EIF4G3: variants seen among roughly 807,000 people sequenced by gnomAD.
The protein encoded by EIF4G3 is eukaryotic translation initiation factor 4 gamma 3, also known as eIF-4-gamma 3.
EIF4G3 carries 34 observed loss-of-function variants against 186.4 expected under a neutral mutation model. That is an observed-to-expected ratio of 0.18 (90% confidence interval 0.14 to 0.24). The LOEUF is 0.24. Among genes scored for constraint, EIF4G3 ranks in the 10% least tolerant of loss-of-function variants. EIF4G3 has a pLI of 1.00. For missense variants in EIF4G3, 1,536 were observed against 1,948.5 expected, an observed-to-expected ratio of 0.79 and a Z score of 3.99; for synonymous variants, 673 against 679.5, an observed-to-expected ratio of 0.99 and a Z score of 0.15.
At chr1:21,152,339 C>CAAA (rs34780982) in intron 2 of EIF4G3, among the ~76,000 whole-genome samples, 6 of 103,570 alleles carry the variant, frequency 5.8e-5, no homozygotes, top group African/African-American at 1.5e-4. Flanking sequence ...CCTGTCTCTA[C>CAAA]AAAAAAAAAA....
intron 12 of EIF4G3, among the ~76,000 whole-genome samples, chr1:20,967,238 A>G (rs2074895256): frequency 6.6e-6 from 1 of 152,234 alleles, no homozygotes; most frequent in South Asian, 2.1e-4. Context: ...TACATGTCCA[A>G]ATTGAGAATT....
rs1397104329 is a variant in EIF4G3 at position 20,969,495 on chromosome 1, C to T, written c.693G>A (p.Thr231=). 21 of 1,613,664 alleles carry T rather than the reference C, an allele frequency of 1.3e-5. No individual in the cohort carries two copies. Among genetic ancestry groups the T allele is most frequent in the Non-Finnish European group, 1.7e-5 (20 of 1,179,788 alleles). ...TTACCTGAGGAGGAGTAGGTGTGGA[C>T]GTGGGTCTTCCTATGGGTGGAGTAG... The part of the protein sequence containing the change: ...RNPTPPIGRP[T]STPTPPQQLP... Residue 231 remains threonine, a synonymous_variant, in exon 12 of 37, where the codon ACG becomes ACA. Transcript: ENST00000602326.
At chr1:20,845,263 T>C (rs577062227) in intron 29 of EIF4G3, among the ~76,000 whole-genome samples, 123 of 152,306 alleles carry the variant, frequency 8.1e-4, no homozygotes, top group Non-Finnish European at 1.4e-3. Flanking sequence ...GATAAGATAA[T>C]TGTAGGTGTG....
intron 4 of EIF4G3, among the ~76,000 whole-genome samples, chr1:21,042,597 A>C (rs2154575384): frequency 6.6e-6 from 1 of 152,224 alleles, no homozygotes; most frequent in East Asian, 1.9e-4. Flanking sequence ...TTGTCTTCTC[A>C]TTTCTCTCCC....
intron 2 of EIF4G3, among the ~76,000 whole-genome samples, chr1:21,103,825 C>T (rs1021501035): frequency 5.9e-5 from 9 of 152,108 alleles, no homozygotes; most frequent in African/African-American, 2.2e-4. Flanking sequence ...ACCTGGGCAA[C>T]AGAGCAAGAC....
In EIF4G3 at chr1:20,807,343, T is replaced by G. The variant is rs146669269; in HGVS notation, c.4902A>C (p.Ala1634=). 2 of 1,605,878 alleles carry G rather than the reference T, an allele frequency of 1.2e-6. No individual in the cohort carries two copies. The highest frequency in any genetic ancestry group is 8.5e-7 in the Non-Finnish European group (1 of 1,174,178). The stretch of plus-strand genomic sequence containing the variant: ...TTTAGTTATCCTCAGACTCCTCTTC[T>G]GCTTCCCGCAGCCACGTGAAGAATG... ...VTAFFTWLRE[A]EEESEDN is the part of the protein sequence containing the mutation. Residue 1634 remains alanine, a synonymous_variant, in exon 37 of 37, where the codon GCA becomes GCC. Transcript: ENST00000602326.
intron 14 of EIF4G3, among the ~76,000 whole-genome samples, chr1:20,921,607 C>A (rs1308545397): frequency 6.6e-6 from 1 of 152,190 alleles, no homozygotes; most frequent in Non-Finnish European, 1.5e-5. Flanking sequence ...GCTGGTGATT[C>A]CACAGCCATA....
intron 16 of EIF4G3, among the ~76,000 whole-genome samples, chr1:20,898,783 T>C (rs1237522449): frequency 6.6e-6 from 1 of 152,098 alleles, no homozygotes; most frequent in Non-Finnish European, 1.5e-5. Context: ...CAGGCTGGAG[T>C]GCAATGGTAC....
intron 3 of EIF4G3, among the ~76,000 whole-genome samples, chr1:21,057,550 G>A (rs2094619281): frequency 6.6e-6 from 1 of 152,024 alleles, no homozygotes; most frequent in Non-Finnish European, 1.5e-5. Flanking sequence ...TGGGGAGAGA[G>A]GAAATTATGA....
intron 14 of EIF4G3, among the ~76,000 whole-genome samples, chr1:20,932,129 T>A (rs1477207132): frequency 2.6e-5 from 4 of 152,170 alleles, no homozygotes; most frequent in African/African-American, 7.2e-5. Context: ...CACTTTTACG[T>A]TATGATGACA....
intron 14 of EIF4G3, among the ~76,000 whole-genome samples, chr1:20,933,926 A>G (rs1033517036): frequency 6.6e-6 from 1 of 152,162 alleles, no homozygotes; most frequent in Non-Finnish European, 1.5e-5. Flanking sequence ...GTTGGGACAG[A>G]GATAAAAATT....
At chr1:21,129,012 C>A (rs762866464) in intron 2 of EIF4G3, among the ~76,000 whole-genome samples, 1 of 152,058 alleles carries the variant, frequency 6.6e-6, no homozygotes. Context: ...AAGAGATGGT[C>A]GGTTGTAATA....
chr1:21,002,106 G>C (rs1373786199), intron 5 of EIF4G3, among the ~76,000 whole-genome samples: 1 of 152,206 alleles, frequency 6.6e-6, no homozygotes, highest in Non-Finnish European at 1.5e-5. Flanking sequence ...GATGAACCTT[G>C]TGTAAATTCT....
chr1:20,966,036 C>T (rs1365788828), intron 12 of EIF4G3, among the ~76,000 whole-genome samples: 1 of 152,168 alleles, frequency 6.6e-6, no homozygotes, highest in East Asian at 1.9e-4. Context: ...ATTAATGGGT[C>T]TCTGGTATCT....
chr1:20,913,548 A>AT (rs2093499866), intron 14 of EIF4G3, among the ~76,000 whole-genome samples: 1 of 152,222 alleles, frequency 6.6e-6, no homozygotes, highest in Admixed American at 6.5e-5. Context: ...ACGAAGCCAG[A>AT]TATCTATAAC....
chr1:20,957,261 C>T (rs964710912), intron 12 of EIF4G3, among the ~76,000 whole-genome samples: 3 of 151,954 alleles, frequency 2.0e-5, no homozygotes, highest in African/African-American at 7.2e-5. Context: ...TACACAGATA[C>T]ATGGAAATTA....
intron 2 of EIF4G3, chr1:21,175,880 A>C: frequency 6.0e-6 from 1 of 167,632 alleles, no homozygotes; most frequent in Non-Finnish European, 1.3e-5. Context: ...AAAGGGGGGG[A>C]GGGTACCTTA....
intron 14 of EIF4G3, among the ~76,000 whole-genome samples, chr1:20,912,283 A>C (rs1212463915): frequency 2.0e-5 from 3 of 152,166 alleles, no homozygotes; most frequent in Non-Finnish European, 4.4e-5. Context: ...TCTCAAGATA[A>C]AATTTTTAAA....
At chr1:20,964,852 G>C (rs1406831798) in intron 12 of EIF4G3, among the ~76,000 whole-genome samples, 2 of 152,130 alleles carry the variant, frequency 1.3e-5, no homozygotes, top group Non-Finnish European at 2.9e-5. Context: ...TTCACCCTTT[G>C]AAAGTGTTTT....
Sources: gnomAD v4.1 joint callset for allele counts (sites outside exome capture counted in the v4.1 genomes callset) on GRCh38, gnomAD v4.1.1 for gene constraint, MANE v1.5 for transcripts, NCBI Gene and HGNC (gene_info 2026-07-23, HGNC 2026-07-21) for gene names.